The following TTLL12 variants were observed in gnomAD, a reference collection of about 807,000 sequenced individuals.
TTLL12 encodes the protein tubulin--tyrosine ligase-like protein 12.
TTLL12 carries 77 observed loss-of-function variants against 79.6 expected under a neutral mutation model. The observed-to-expected ratio is 0.97, with a 90% CI of 0.81 to 1.17. TTLL12 has a LOEUF of 1.17. Ranked by LOEUF, TTLL12 falls within the 50% of genes most tolerant of loss-of-function variation. The pLI is 0.00. For synonymous variants in TTLL12, 437 were observed against 376.1 expected (o/e 1.16, Z -1.87); for missense variants, 969 against 895.9 (o/e 1.08, Z -1.04).
chr22:43,184,463 A>C (rs1932132171), intron 1 of TTLL12, among the ~76,000 whole-genome samples: 1 of 152,204 alleles, frequency 6.6e-6, no homozygotes, highest in Non-Finnish European at 1.5e-5. Context: ...AGCTTTGAAG[A>C]AGGGGAAGAT....
At chr22:43,168,961 C>T in intron 12 of TTLL12, 49 bp from the exon 13 acceptor site, 1 of 1,554,994 alleles carries the variant, frequency 6.4e-7, no homozygotes, top group Admixed American at 1.8e-5. Flanking sequence ...AACAGCCTCT[C>T]AAGAGGGGGT....
At chr22:43,170,624 T>C (rs1307806038) in intron 11 of TTLL12, among the ~76,000 whole-genome samples, 2 of 152,088 alleles carry the variant, frequency 1.3e-5, no homozygotes, top group African/African-American at 4.8e-5. Flanking sequence ...AAAACCTAAG[T>C]AGGAGGCCGG....
rs1246368296 is a variant in TTLL12, at chr22:43,167,204, C to T, written c.*804G>A. 1.7e-5 allele frequency: 9 copies of T among 531,914 alleles called. No homozygotes were observed. Among genetic ancestry groups the T allele is most frequent in the African/African-American group, 1.5e-4 (8 of 51,984 alleles). 32.9% of individuals were successfully genotyped at this position (531,914 alleles called of 1,614,324 possible). A position where few individuals can be genotyped will look rare whatever the true frequency, so the allele number is the denominator to read the frequency against. The stretch of plus-strand genomic sequence containing the variant: ...CCACAATCAGCCCCAGCCCCAGGCG[C>T]CCCTTGCCGAAGGATCCTGGCCCAT... On this transcript the variant is annotated 3_prime_UTR_variant, in exon 14 of 14. Transcript: ENST00000216129.
At chr22:43,184,021 C>CAA (rs1932122553) in intron 1 of TTLL12, among the ~76,000 whole-genome samples, 1 of 152,260 alleles carries the variant, frequency 6.6e-6, no homozygotes, top group African/African-American at 2.4e-5. Flanking sequence ...ACCCAGAACT[C>CAA]AGAGTGGAGC....
chr22:43,174,443 C>T (rs201841129), intron 7 of TTLL12, 40 bp from the exon 8 acceptor site: 171 of 1,566,386 alleles, frequency 1.1e-4, no homozygotes, highest in South Asian at 8.2e-4. Flanking sequence ...AAGGGGAGGC[C>T]GGCAGTGCCT....
Position 43,179,764 on chromosome 22 carries a change from C to T in TTLL12, c.707-12G>A, listed in dbSNP as rs377510580. The T allele has an allele frequency of 6.4e-7, 1 of 1,556,696 alleles. No individual in the cohort carries two copies. Among genetic ancestry groups the T allele is most frequent in the African/African-American group, 1.4e-5 (1 of 73,006 alleles). On this transcript the variant is annotated splice_polypyrimidine_tract_variant and intron_variant, in intron 4 of 13. Transcript: ENST00000216129. ...TCGGGTCACCTCCTCTGTGCCAAGA[C>T]ATGAGTGCCCATCAGAGGGGGTGAC...
chr22:43,170,031 G>T (rs1931725202), intron 11 of TTLL12: 1 of 370,974 alleles, frequency 2.7e-6, no homozygotes, highest in Non-Finnish European at 5.4e-6. Context: ...AGGGATGCAA[G>T]ATCTTTCTGG....
At chr22:43,171,046 G>A (rs1169939649) in intron 11 of TTLL12, among the ~76,000 whole-genome samples, 1 of 152,226 alleles carries the variant, frequency 6.6e-6, no homozygotes, top group African/African-American at 2.4e-5. Flanking sequence ...GTCGGGGAGC[G>A]TTGGGGCTGG....
Position 43,183,086 on chromosome 22 carries a change from C to A in TTLL12, c.241G>T (p.Glu81Ter). 1 of 1,614,018 alleles carries A rather than the reference C, an allele frequency of 6.2e-7. No individual in the cohort carries two copies. Among genetic ancestry groups the A allele is most frequent in the Non-Finnish European group, 8.5e-7 (1 of 1,180,002 alleles). The change falls in exon 2 of 14, where the codon GAG (glutamate) becomes TAG (stop). Residue 81 changes from glutamate (E) to a stop codon, truncating the protein, a stop_gained. Transcript: ENST00000216129. LOFTEE classifies it high-confidence loss of function. ...TGCTTCCGCACCTCCCGGGCTGCCTCGTCCTCCTCCTCTTCTACCTCCTCC... is the reference window on the plus strand; with the variant it reads ...TGCTTCCGCACCTCCCGGGCTGCCTAGTCCTCCTCCTCTTCTACCTCCTCC... Reference protein sequence around the residue: ...QVEEVEEEEDEAAREVRKQQP... With the variant: ...QVEEVEEEED
In TTLL12 at chr22:43,169,002, C is replaced by T. The variant is rs747923723; in HGVS notation, c.1645-90G>A. On this transcript the variant is annotated intron_variant, in intron 12 of 13. Coordinates refer to ENST00000216129, the MANE Select transcript of TTLL12 (RefSeq NM_015140.4). ...GCCCCTGCCCAAGTCCCGGGCCCCA[C>T]GTGGCCCAAGTCACCCCCTCCCACA... 5.8e-5 allele frequency: 85 copies of T among 1,468,812 alleles called. 1 individual carries two copies. Among genetic ancestry groups the T allele is most frequent in the East Asian group, 4.9e-5 (2 of 40,704 alleles). The allele number at this position is 1,468,812 out of a possible 1,614,324, so 91.0% of individuals were successfully genotyped here. A position where few individuals can be genotyped will look rare whatever the true frequency, so the allele number is the denominator to read the frequency against.
At chr22:43,181,716 TTTTAAAA>T (rs2146623221) in intron 2 of TTLL12, among the ~76,000 whole-genome samples, 1 of 152,346 alleles carries the variant, frequency 6.6e-6, no homozygotes, top group South Asian at 2.1e-4. Flanking sequence ...TCTGTTCCCC[TTTTAAAA>T]TGAAAGGGAC....
chr22:43,168,334 C>G (rs1306435630), intron 13 of TTLL12, among the ~76,000 whole-genome samples, 175 bp from the exon 14 acceptor site: 2 of 152,038 alleles, frequency 1.3e-5, no homozygotes, highest in Non-Finnish European at 2.9e-5. Flanking sequence ...GCTGGGGAGG[C>G]CTGGCCTGAC....
intron 1 of TTLL12, 61 bp from the exon 2 acceptor site, chr22:43,183,210 A>C: frequency 1.3e-6 from 2 of 1,592,132 alleles, no homozygotes; most frequent in Non-Finnish European, 1.7e-6. Flanking sequence ...CAATGCCTTC[A>C]CCACTCCAGA....
chr22:43,176,241 G>C lies in TTLL12; in HGVS notation c.917+79C>G, dbSNP rs116516617. 455 of 1,085,224 alleles carry C rather than the reference G, an allele frequency of 4.2e-4. 2 individuals are homozygous for C. In the African/African-American group the frequency reaches 6.4e-3, roughly 15 times the overall value. The allele number at this position is 1,085,224 out of a possible 1,614,324, so 67.2% of individuals were successfully genotyped here. ...GTGCCACGTGCCAAGCACTGTTCTG[G>C]GGCTGTGGGAACCACGAAGCATGGG... On this transcript the variant is annotated intron_variant, in intron 6 of 13. Coordinates refer to ENST00000216129, the MANE Select transcript of TTLL12 (RefSeq NM_015140.4).
chr22:43,173,617 C>A, intron 9 of TTLL12, 98 bp downstream of exon 9: 1 of 1,167,436 alleles, frequency 8.6e-7, no homozygotes, highest in South Asian at 1.4e-5. Context: ...CCAGCCTGGA[C>A]CTGTCCATAA....
At chr22:43,169,469 G>A (rs757600680) in intron 12 of TTLL12, 31 bp downstream of exon 12, 58 of 1,546,298 alleles carry the variant, frequency 3.8e-5, no homozygotes, top group East Asian at 6.8e-5. Flanking sequence ...CCGCCCCACC[G>A]GCCTGCGATG....
chr22:43,186,920 G>GC lies in TTLL12; in HGVS notation c.149dup (p.Arg51ProfsTer102). On this transcript the variant is annotated frameshift_variant, in exon 1 of 14. Transcript: ENST00000216129. LOFTEE classifies it high-confidence loss of function. ...CGTGCTCCAGCTTGTGCAGGAGGCG[G>GC]CCCCAGTAACGTTCGGGGACCCCCG... The GC allele has an allele frequency of 7.4e-7, 1 of 1,359,080 alleles. No individual in the cohort carries two copies. 84.2% of individuals were successfully genotyped at this position (1,359,080 alleles called of 1,614,324 possible). A position where few individuals can be genotyped will look rare whatever the true frequency, so the allele number is the denominator to read the frequency against.
intron 10 of TTLL12, 152 bp downstream of exon 10, chr22:43,172,251 G>A (rs1931784651): frequency 1.1e-6 from 1 of 929,530 alleles, no homozygotes; most frequent in East Asian, 2.6e-5. Context: ...TAACACCAAG[G>A]GAGATGGGCT....
chr22:43,180,220 G>A (rs1016628098), intron 3 of TTLL12, among the ~76,000 whole-genome samples: 3 of 152,172 alleles, frequency 2.0e-5, no homozygotes, highest in East Asian at 1.9e-4. Flanking sequence ...GTGAACACTC[G>A]TGGTAAAAGG....
Sources: allele counts gnomAD v4.1 joint callset (sites outside exome capture counted in the v4.1 genomes callset), GRCh38; gene constraint gnomAD v4.1.1; transcripts MANE v1.5; gene names NCBI Gene and HGNC (gene_info 2026-07-23, HGNC 2026-07-21).